CRIM1: variants seen among roughly 807,000 people sequenced by gnomAD.
CRIM1 encodes cysteine-rich motor neuron 1 protein.
CRIM1 carries 32 observed loss-of-function variants against 116.4 expected under a neutral mutation model. That is an observed-to-expected ratio of 0.27 (90% CI 0.21 to 0.37). The LOEUF (loss-of-function observed/expected upper bound fraction) is 0.37, where lower values mean the gene tolerates loss of function less well. CRIM1 is among the 10% of genes least tolerant of loss of function. The pLI is 1.00. For missense variants in CRIM1, 1,331 were observed against 1,354.8 expected, an observed-to-expected ratio of 0.98 and a Z score of 0.28; for synonymous variants, 590 against 509.2, an observed-to-expected ratio of 1.16 and a Z score of -2.13.
At chr2:36,525,119 G>T (rs1204867144) in intron 13 of CRIM1, among the ~76,000 whole-genome samples, 1 of 152,064 alleles carries the variant, frequency 6.6e-6, no homozygotes, top group East Asian at 1.9e-4. Context: ...AACATTTGAT[G>T]AACTGTAACC....
chr2:36,397,213 T>G (rs897323883), intron 2 of CRIM1, among the ~76,000 whole-genome samples: 5 of 152,210 alleles, frequency 3.3e-5, no homozygotes, highest in African/African-American at 1.2e-4. Flanking sequence ...TATGCAGTGA[T>G]GATTGAAGGC....
At chr2:36,435,349 T>TGA (rs952753699) in intron 2 of CRIM1, among the ~76,000 whole-genome samples, 1 of 151,536 alleles carries the variant, frequency 6.6e-6, no homozygotes, top group Non-Finnish European at 1.5e-5. Flanking sequence ...TGTGTGTGTG[T>TGA]GAGTGAGAGA....
intron 1 of CRIM1, among the ~76,000 whole-genome samples, chr2:36,383,171 A>G (rs1270274505): frequency 6.6e-6 from 1 of 152,228 alleles, no homozygotes; most frequent in Non-Finnish European, 1.5e-5. Context: ...TAGCATGTGG[A>G]AAAAGGACTG....
At chr2:36,485,490 T>C (rs573759887) in intron 7 of CRIM1, among the ~76,000 whole-genome samples, 19 of 152,338 alleles carry the variant, frequency 1.2e-4, no homozygotes, top group Middle Eastern at 3.4e-3. Context: ...GCTGATGATA[T>C]AGCTTGAATC....
intron 2 of CRIM1, among the ~76,000 whole-genome samples, chr2:36,423,146 GCCC>G (rs1674197012): frequency 6.6e-6 from 1 of 152,106 alleles, no homozygotes; most frequent in Non-Finnish European, 1.5e-5. Flanking sequence ...ATGTACCATA[GCCC>G]TTTAAAAATG....
chr2:36,536,760 A>G (rs1666580805), intron 13 of CRIM1, among the ~76,000 whole-genome samples: 1 of 152,168 alleles, frequency 6.6e-6, no homozygotes, highest in South Asian at 2.1e-4. Context: ...TATATACTGT[A>G]CAGACAAATA....
At chr2:36,371,121 T>C (rs1443879514) in intron 1 of CRIM1, among the ~76,000 whole-genome samples, 2 of 152,150 alleles carry the variant, frequency 1.3e-5, no homozygotes, top group East Asian at 3.9e-4. Context: ...ATGGGTGTGG[T>C]GTCAGGTTTC....
At chr2:36,449,326 A>T (rs1402262439) in intron 4 of CRIM1, among the ~76,000 whole-genome samples, 1 of 152,056 alleles carries the variant, frequency 6.6e-6, no homozygotes, top group Non-Finnish European at 1.5e-5. Flanking sequence ...CTTACCACTG[A>T]GCTGCACTGT....
intron 1 of CRIM1, among the ~76,000 whole-genome samples, chr2:36,375,034 T>C (rs1670220483): frequency 6.6e-6 from 1 of 152,076 alleles, no homozygotes; most frequent in Non-Finnish European, 1.5e-5. Context: ...ATATTGCAGA[T>C]GTTTACTTAG....
At chr2:36,417,050 C>G (rs1399686376) in intron 2 of CRIM1, among the ~76,000 whole-genome samples, 1 of 152,192 alleles carries the variant, frequency 6.6e-6, no homozygotes, top group African/African-American at 2.4e-5. Flanking sequence ...GTGGCACCGT[C>G]CACCCAGAAT....
At chr2:36,453,266 T>A (rs1676876017) in intron 4 of CRIM1, among the ~76,000 whole-genome samples, 1 of 152,216 alleles carries the variant, frequency 6.6e-6, no homozygotes, top group African/African-American at 2.4e-5. Flanking sequence ...CCTTGGTCAG[T>A]CTGTTGTGAA....
At chr2:36,464,435 A>G (rs1677834916) in intron 4 of CRIM1, 99 bp from the exon 5 acceptor site, 1 of 1,241,880 alleles carries the variant, frequency 8.1e-7, no homozygotes. Context: ...CGTATAGACC[A>G]GGTACTTTGC....
intron 1 of CRIM1, among the ~76,000 whole-genome samples, chr2:36,369,670 A>C (rs1229102166): frequency 2.0e-5 from 3 of 152,230 alleles, no homozygotes; most frequent in Admixed American, 6.5e-5. Flanking sequence ...ACATTCGAGA[A>C]GATGATAAAT....
rs1201927972 is a variant in CRIM1 at position 36,509,969 on chromosome 2, CTG to C, written c.1502-10_1502-9del. The C allele has an allele frequency of 6.2e-7, 1 of 1,611,952 alleles. No individual in the cohort carries two copies. ...CATCTTTGGAAGAAACATGCCGTCT[CTG>C]TGTCTTCACAGCCGAGGAACTATGT... On this transcript the variant is annotated splice_polypyrimidine_tract_variant and intron_variant, in intron 8 of 16. Transcript: ENST00000280527.
chr2:36,472,000 T>C (rs146513211), intron 5 of CRIM1, among the ~76,000 whole-genome samples: 212 of 152,314 alleles, frequency 1.4e-3, no homozygotes, highest in Non-Finnish European at 2.3e-3. Context: ...CAGTAGCATG[T>C]ACTAATAGTC....
intron 14 of CRIM1, among the ~76,000 whole-genome samples, chr2:36,543,666 G>A (rs965745511): frequency 1.3e-5 from 2 of 149,970 alleles, no homozygotes; most frequent in African/African-American, 5.0e-5. Flanking sequence ...AGAAATATTT[G>A]TAGGAGCTGA....
chr2:36,533,594 T>A (rs968100163), intron 13 of CRIM1, among the ~76,000 whole-genome samples: 35 of 152,094 alleles, frequency 2.3e-4, no homozygotes, highest in Non-Finnish European at 2.5e-4. Context: ...ACCCTGTCTC[T>A]TGAGAAAAAG....
intron 1 of CRIM1, among the ~76,000 whole-genome samples, chr2:36,361,177 G>A (rs762601886): frequency 6.6e-6 from 1 of 152,112 alleles, no homozygotes; most frequent in East Asian, 1.9e-4. Context: ...TAAAACACTT[G>A]GCAAAGGGCA....
chr2:36,378,481 C>T (rs1670485614), intron 1 of CRIM1: 3 of 461,582 alleles, frequency 6.5e-6, no homozygotes, highest in East Asian at 7.0e-5. Flanking sequence ...TTCTGAGGTG[C>T]CTGGGCCATA....
Sources: gnomAD v4.1 joint callset for allele counts (sites outside exome capture counted in the v4.1 genomes callset) on GRCh38, gnomAD v4.1.1 for gene constraint, MANE v1.5 for transcripts, NCBI Gene and HGNC (gene_info 2026-07-23, HGNC 2026-07-21) for gene names.